Variants in F5 observed in about 807,000 individuals in gnomAD.
F5 encodes the protein activated protein c cofactor.
A neutral mutation model predicts 216.4 loss-of-function variants in F5; 138 were observed. That is an observed-to-expected ratio of 0.64 (90% CI 0.56 to 0.73). The LOEUF is 0.73. Ranked by LOEUF, F5 falls within the 30% of genes least tolerant of loss-of-function variation. The pLI is 0.00. For missense variants in F5, 2,403 were observed against 2,674.0 expected (o/e 0.90, Z 2.24); for synonymous variants, 916 against 930.7 (o/e 0.98, Z 0.29).
chr1:169,545,117 G>A (rs9332595), intron 11 of F5, among the ~76,000 whole-genome samples: 1 of 151,982 alleles, frequency 6.6e-6, no homozygotes, highest in Admixed American at 6.6e-5. Flanking sequence ...TGTCTACCTC[G>A]ATTACCACTC....
At position 169,550,829 on chromosome 1, in the gene F5, T is replaced by C; in HGVS notation, c.1297-90A>G. On this transcript the variant is annotated intron_variant, in intron 8 of 24. Transcript: ENST00000367797. ...TAGCTTTGCATATTCACCTTTTGGA[T>C]GGTGTGTGTGTATACATGTGTACAC... is the stretch of plus-strand genomic sequence containing the variant. 4 of 962,716 alleles carry C rather than the reference T, an allele frequency of 4.2e-6. No individual in the cohort carries two copies. In the South Asian group the frequency reaches 5.3e-5, roughly 13 times the overall value. The allele number at this position is 962,716 out of a possible 1,614,324, so 59.6% of individuals were successfully genotyped here.
chr1:169,558,387 T>A (rs932496665), intron 5 of F5, among the ~76,000 whole-genome samples: 13 of 152,222 alleles, frequency 8.5e-5, no homozygotes, highest in Admixed American at 7.2e-4. Flanking sequence ...TACCCAGATC[T>A]CAACTCTTAA....
At chr1:169,546,180 T>TACACAC (rs3835453) in intron 11 of F5, among the ~76,000 whole-genome samples, 7 of 141,112 alleles carry the variant, frequency 5.0e-5, no homozygotes, top group South Asian at 2.4e-4. Flanking sequence ...TATGTCTGTG[T>TACACAC]ACACACACAC....
rs1659052662 is a variant in F5, at chr1:169,512,521, G to A, written c.*1792C>T. 2.0e-5 allele frequency among the ~76,000 whole-genome samples: 3 copies of A among 151,986 alleles called. No homozygotes were observed. The highest frequency in any genetic ancestry group is 1.9e-4 in the East Asian group (1 of 5,190). ...CTGCAAAGCATTAAATTTAGCATGC[G>A]GTCCTTCTGAGCATGTGACCCTTTG... On this transcript the variant is annotated 3_prime_UTR_variant, in exon 25 of 25. Coordinates refer to ENST00000367797, the MANE Select transcript of F5 (RefSeq NM_000130.5).
At chr1:169,543,509 A>T (rs1659922069) in intron 12 of F5, among the ~76,000 whole-genome samples, 1 of 152,194 alleles carries the variant, frequency 6.6e-6, no homozygotes, top group Non-Finnish European at 1.5e-5. Flanking sequence ...ATCAAGAATA[A>T]AATGGACTTT....
chr1:169,581,816 T>C (rs887574221), intron 2 of F5, among the ~76,000 whole-genome samples: 2 of 145,696 alleles, frequency 1.4e-5, no homozygotes, highest in African/African-American at 4.8e-5. Flanking sequence ...ATTATGGCTA[T>C]TGTATATATC....
At chr1:169,575,666 G>C (rs555306920) in intron 2 of F5, among the ~76,000 whole-genome samples, 1 of 152,206 alleles carries the variant, frequency 6.6e-6, no homozygotes, top group Non-Finnish European at 1.5e-5. Flanking sequence ...TGGATGTGGG[G>C]TAGAGAATAA....
chr1:169,576,500 G>A (rs561637587), intron 2 of F5, among the ~76,000 whole-genome samples: 1 of 152,290 alleles, frequency 6.6e-6, no homozygotes, highest in South Asian at 2.1e-4. Context: ...CTTGCCCAAG[G>A]TCAGTCAGTG....
At chr1:169,572,122 C>T (rs1660738007) in intron 3 of F5, 99 bp downstream of exon 3, 1 of 1,268,190 alleles carries the variant, frequency 7.9e-7, no homozygotes, top group African/African-American at 1.5e-5. Flanking sequence ...AAGAGATTTC[C>T]CTAACAACAC....
At chr1:169,574,067 T>C (rs1660787659) in intron 2 of F5, among the ~76,000 whole-genome samples, 2 of 152,182 alleles carry the variant, frequency 1.3e-5, no homozygotes, top group Admixed American at 1.3e-4. Context: ...TTGCATTCAG[T>C]ATTATAACTA....
chr1:169,526,866 AATT>A (rs1287867717), intron 17 of F5, among the ~76,000 whole-genome samples: 23 of 150,934 alleles, frequency 1.5e-4, no homozygotes, highest in African/African-American at 3.1e-4. Flanking sequence ...ATTATCTATT[AATT>A]ATTATATTAA....
chr1:169,544,085 A>G (rs1659936976), intron 12 of F5, among the ~76,000 whole-genome samples: 1 of 152,172 alleles, frequency 6.6e-6, no homozygotes, highest in Non-Finnish European at 1.5e-5. Context: ...CTTTGCCCAG[A>G]GAAGGAAAAA....
At chr1:169,546,770 G>A (rs1660014196) in intron 10 of F5, among the ~76,000 whole-genome samples, 178 bp from the exon 11 acceptor site, 1 of 152,072 alleles carries the variant, frequency 6.6e-6, no homozygotes, top group Non-Finnish European at 1.5e-5. Context: ...GCTAGCCGTA[G>A]GCAGAAAATT....
At chr1:169,553,139 C>T (rs1162903705) in intron 7 of F5, among the ~76,000 whole-genome samples, 1 of 152,218 alleles carries the variant, frequency 6.6e-6, no homozygotes, top group African/African-American at 2.4e-5. Context: ...CTAAAAGCAA[C>T]TTCCAACCCC....
chr1:169,541,608 C>G lies in F5; in HGVS notation c.3482G>C (p.Arg1161Pro). ...PELSEMLEYD[R>P]SHKSFPTDIS... ...ATCTGTGGGGAAGGACTTGTGACTT[C>G]GGTCATACTCAAGCATTTCACTGAG... Residue 1161 changes from arginine (R) to proline (P), a missense_variant, in exon 13 of 25, where the codon CGA (arginine) becomes CCA (proline). Around this residue, in one of 4 missense-constraint regions of F5, gnomAD observed 1,425 missense variants for 1,554.8 expected, o/e 0.92. Coordinates refer to ENST00000367797, the MANE Select transcript of F5 (RefSeq NM_000130.5). 6.2e-7 allele frequency: 1 copy of G among 1,614,102 alleles called. No homozygotes were observed. Among genetic ancestry groups the G allele is most frequent in the East Asian group, 2.2e-5 (1 of 44,874 alleles).
At chr1:169,514,949 G>A (rs1468666026) in intron 24 of F5, among the ~76,000 whole-genome samples, 2 of 152,002 alleles carry the variant, frequency 1.3e-5, no homozygotes, top group East Asian at 3.9e-4. Context: ...GGCAAAATAA[G>A]GATAATAACA....
chr1:169,514,390 A>G lies in F5; in HGVS notation c.6598T>C (p.Phe2200Leu). 1 of 1,613,374 alleles carries G rather than the reference A, an allele frequency of 6.2e-7. No homozygotes were observed. Among genetic ancestry groups the G allele is most frequent in the Non-Finnish European group, 8.5e-7 (1 of 1,179,534 alleles). The change falls in exon 25 of 25, where the codon TTT becomes CTT. Residue 2200 changes from phenylalanine to leucine, a missense_variant. Phe to Leu is a conservative substitution (Grantham distance 22). Coordinates refer to ENST00000367797, the MANE Select transcript of F5 (RefSeq NM_000130.5). ...NFFNPPIISR[F>L]IRVIPKTWNQ... ...CATGTTTTAGGAATGACACGGATAAACCTGGAAATGATTGGGGGGTTGAAA... is the reference window on the plus strand; with the variant it reads ...CATGTTTTAGGAATGACACGGATAAGCCTGGAAATGATTGGGGGGTTGAAA...
chr1:169,541,413 A>C lies in F5; in HGVS notation c.3677T>G (p.Leu1226Arg). ...GTCTGGAGAAATGGGCATCTGACCG[A>C]GGGCTGGGGAAAGGTTTCTCTGAAT... is the stretch of plus-strand genomic sequence containing the variant. The part of the protein sequence containing the change: ...ELIQRNLSPA[L>R]GQMPISPDLS... The change falls in exon 13 of 25, where the codon CTC (leucine) becomes CGC (arginine). Residue 1226 changes from leucine to arginine, a missense_variant. Physicochemically the swap from Leu to Arg is moderately radical, Grantham distance 102. Coordinates refer to ENST00000367797, the MANE Select transcript of F5 (RefSeq NM_000130.5). 6.2e-7 allele frequency: 1 copy of C among 1,613,708 alleles called. No homozygotes were observed. The highest frequency in any genetic ancestry group is 8.5e-7 in the Non-Finnish European group (1 of 1,179,888).
At chr1:169,560,304 C>T (rs1571590180) in intron 4 of F5, among the ~76,000 whole-genome samples, 1 of 152,122 alleles carries the variant, frequency 6.6e-6, no homozygotes, top group East Asian at 1.9e-4. Flanking sequence ...AACATACTCT[C>T]AAACAGGAAT....
Sources: gnomAD v4.1 joint callset for allele counts (sites outside exome capture counted in the v4.1 genomes callset) on GRCh38, gnomAD v4.1.1 for gene constraint, gnomAD v4.1.1 regional missense constraint, MANE v1.5 for transcripts, NCBI Gene and HGNC (gene_info 2026-07-23, HGNC 2026-07-21) for gene names.